The following KCNG3 variants were observed in gnomAD, a reference collection of about 807,000 sequenced individuals.
The protein encoded by KCNG3 is voltage-gated potassium channel regulatory subunit KCNG3.
KCNG3 carries 15 observed loss-of-function variants against 29.0 expected under a neutral mutation model. The observed-to-expected ratio is 0.52, with a 90% confidence interval of 0.35 to 0.80. KCNG3 has a LOEUF of 0.80. KCNG3 is among the 30% of genes least tolerant of loss of function. KCNG3 has a pLI of 0.01. For synonymous variants in KCNG3, 322 were observed against 248.9 expected, an observed-to-expected ratio of 1.29 and a Z score of -2.76; for missense variants, 512 against 605.7, an observed-to-expected ratio of 0.85 and a Z score of 1.62.
chr2:42,452,772 T>G (rs909300905), intron 1 of KCNG3, among the ~76,000 whole-genome samples: 2 of 104,330 alleles, frequency 1.9e-5, no homozygotes, highest in African/African-American at 3.8e-5. Flanking sequence ...TTCAACTGGG[T>G]GTGTGTGTGT....
At chr2:42,419,994 G>A in the KCNG3 span, among the ~76,000 whole-genome samples, 2 of 151,848 alleles carry the variant, frequency 1.3e-5, no homozygotes, top group Non-Finnish European at 2.9e-5. Flanking sequence ...AGGCTGAGGC[G>A]GGCAGATCAC....
chr2:42,472,801 T>G (rs1673321088), intron 1 of KCNG3, among the ~76,000 whole-genome samples: 1 of 150,646 alleles, frequency 6.6e-6, no homozygotes. Context: ...TCTATAGATC[T>G]ATACATATAT....
At chr2:42,470,700 A>G (rs1673263840) in intron 1 of KCNG3, among the ~76,000 whole-genome samples, 3 of 150,018 alleles carry the variant, frequency 2.0e-5, no homozygotes, top group African/African-American at 7.4e-5. Context: ...CACAGTGGGA[A>G]CCTGTCTCTA....
chr2:42,434,714 C>A, the KCNG3 span, among the ~76,000 whole-genome samples: 1 of 146,740 alleles, frequency 6.8e-6, no homozygotes, highest in African/African-American at 2.5e-5. Context: ...CTCACACTTC[C>A]TGATTTCCAA....
intron 1 of KCNG3, among the ~76,000 whole-genome samples, chr2:42,478,730 G>A (rs1673504483): frequency 6.6e-6 from 1 of 152,100 alleles, no homozygotes; most frequent in African/African-American, 2.4e-5. Context: ...TCTCATAGAT[G>A]GCTCTATGGC....
intron 1 of KCNG3, among the ~76,000 whole-genome samples, chr2:42,475,785 G>C (rs1172544105): frequency 6.6e-6 from 1 of 152,088 alleles, no homozygotes; most frequent in Non-Finnish European, 1.5e-5. Flanking sequence ...ATAAAATCGG[G>C]CCAAGCACAG....
chr2:42,490,669 A>G (rs1673848282), intron 1 of KCNG3, among the ~76,000 whole-genome samples: 1 of 152,244 alleles, frequency 6.6e-6, no homozygotes, highest in Admixed American at 6.5e-5. Context: ...ACAGATATTC[A>G]AAAGATGTTT....
chr2:42,466,009 A>C (rs929724169), intron 1 of KCNG3, among the ~76,000 whole-genome samples: 21 of 152,360 alleles, frequency 1.4e-4, no homozygotes, highest in African/African-American at 5.1e-4. Context: ...CATACACCAC[A>C]TAATGACATT....
At chr2:42,422,388 C>A in the KCNG3 span, among the ~76,000 whole-genome samples, 102 of 152,146 alleles carry the variant, frequency 6.7e-4, no homozygotes, top group Non-Finnish European at 1.2e-3. Flanking sequence ...CACCAGAGGG[C>A]CTTCAATCTT....
chr2:42,406,482 G>T, the KCNG3 span, among the ~76,000 whole-genome samples: 1 of 150,260 alleles, frequency 6.7e-6, no homozygotes, highest in East Asian at 2.1e-4. Context: ...GCCTCCCAAA[G>T]TGCTGGGATT....
At chr2:42,490,707 C>T (rs1673849300) in intron 1 of KCNG3, among the ~76,000 whole-genome samples, 1 of 152,156 alleles carries the variant, frequency 6.6e-6, no homozygotes. Context: ...AAGTCAAGAT[C>T]GGCAGGTTGT....
At chr2:42,474,913 G>A (rs1482133395) in intron 1 of KCNG3, among the ~76,000 whole-genome samples, 1 of 152,156 alleles carries the variant, frequency 6.6e-6, no homozygotes, top group Non-Finnish European at 1.5e-5. Flanking sequence ...TCCAGTGGCA[G>A]CTGACCCAAT....
intron 1 of KCNG3, among the ~76,000 whole-genome samples, chr2:42,481,579 T>C: frequency 6.6e-6 from 1 of 152,168 alleles, no homozygotes; most frequent in East Asian, 1.9e-4. Flanking sequence ...TCCAAAATCC[T>C]TAACAAATGG....
At chr2:42,413,963 C>A in the KCNG3 span, among the ~76,000 whole-genome samples, 2 of 152,176 alleles carry the variant, frequency 1.3e-5, no homozygotes, top group African/African-American at 4.8e-5. Context: ...ATTTTTCCAG[C>A]AAAGTCTAAA....
Position 42,492,861 on chromosome 2 carries a change from G to A in KCNG3, c.641C>T (p.Ala214Val), listed in dbSNP as rs1673935089. The A allele has an allele frequency of 1.3e-6, 2 of 1,512,260 alleles. No homozygotes were observed. Among genetic ancestry groups the A allele is most frequent in the Middle Eastern group, 1.8e-4 (1 of 5,626 alleles). The allele number at this position is 1,512,260 out of a possible 1,614,324, so 93.7% of individuals were successfully genotyped here. The change falls in exon 1 of 2, where the codon GCC becomes GTC. Residue 214 changes from alanine to valine, a missense_variant. Transcript: ENST00000306078. ...RSLDDRSRYS[A>V]GPGREPSGII... Reference sequence around the variant, plus strand: ...CCCGGAGGGCTCCCTCCCAGGGCCGGCGGAGTACCTGCTCCGGTCATCCAG... The same window carrying A: ...CCCGGAGGGCTCCCTCCCAGGGCCGACGGAGTACCTGCTCCGGTCATCCAG...
chr2:42,394,568 C>A, the KCNG3 span, among the ~76,000 whole-genome samples: 1 of 152,186 alleles, frequency 6.6e-6, no homozygotes, highest in Non-Finnish European at 1.5e-5. Context: ...AAAAGTCAAG[C>A]TGGGAACTGC....
At chr2:42,406,433 G>A in the KCNG3 span, among the ~76,000 whole-genome samples, 17 of 150,552 alleles carry the variant, frequency 1.1e-4, no homozygotes, top group African/African-American at 4.1e-4. Context: ...TGGTCAGGCT[G>A]GTCTTGAACT....
intron 1 of KCNG3, among the ~76,000 whole-genome samples, chr2:42,477,892 A>T (rs1558386900): frequency 2.6e-5 from 1 of 37,908 alleles, no homozygotes; most frequent in Admixed American, 4.1e-4. Context: ...AAATATATAT[A>T]TATTTTTTTG....
chr2:42,436,050 C>T, the KCNG3 span, among the ~76,000 whole-genome samples: 3 of 152,124 alleles, frequency 2.0e-5, no homozygotes, highest in East Asian at 1.9e-4. Context: ...ATTATTCAGT[C>T]GTAAAAAGGA....
Sources: gnomAD v4.1 joint callset for allele counts (sites outside exome capture counted in the v4.1 genomes callset) on GRCh38, gnomAD v4.1.1 for gene constraint, MANE v1.5 for transcripts, NCBI Gene and HGNC (gene_info 2026-07-23, HGNC 2026-07-21) for gene names.